Variants in STIM1 observed in about 807,000 individuals in gnomAD.
STIM1 encodes stromal interaction molecule 1.
In STIM1, 25 loss-of-function variants were observed where a neutral mutation model predicts 74.7. The observed-to-expected ratio is 0.33, with a 90% CI of 0.24 to 0.47. The LOEUF (loss-of-function observed/expected upper bound fraction) is 0.47. Among genes scored for constraint, STIM1 ranks in the 20% least tolerant of loss-of-function variants. The pLI is 1.00. For missense variants in STIM1, 728 were observed against 920.8 expected (o/e 0.79, Z 2.71); for synonymous variants, 328 against 348.8 (o/e 0.94, Z 0.66).
intron 1 of STIM1, among the ~76,000 whole-genome samples, chr11:3,882,927 T>C (rs753981953): frequency 1.3e-5 from 2 of 152,230 alleles, no homozygotes; most frequent in Non-Finnish European, 1.5e-5. Context: ...CTAATGATAT[T>C]GATCATCTTT....
intron 1 of STIM1, among the ~76,000 whole-genome samples, chr11:3,935,717 A>G (rs1271284953): frequency 6.6e-6 from 1 of 151,638 alleles, no homozygotes; most frequent in East Asian, 2.0e-4. Context: ...GATTGTAACT[A>G]TGGTATTTTA....
chr11:3,891,779 C>A (rs777764077), intron 1 of STIM1, among the ~76,000 whole-genome samples: 30 of 152,168 alleles, frequency 2.0e-4, no homozygotes, highest in Non-Finnish European at 3.8e-4. Context: ...GATCAAGATA[C>A]ATTTCTGCAT....
intron 3 of STIM1, among the ~76,000 whole-genome samples, chr11:4,032,928 T>C (rs1013544147): frequency 2.0e-5 from 3 of 152,244 alleles, no homozygotes; most frequent in African/African-American, 7.2e-5. Context: ...ATGAAGTCCT[T>C]GCCCATGCCT....
At chr11:4,051,862 G>C (rs1565160781) in intron 3 of STIM1, among the ~76,000 whole-genome samples, 1 of 152,076 alleles carries the variant, frequency 6.6e-6, no homozygotes, top group Non-Finnish European at 1.5e-5. Context: ...AAACCCCATC[G>C]TCTCAGCCCA....
chr11:3,941,669 TATATAGAGAGAG>T (rs2093009761), intron 1 of STIM1, among the ~76,000 whole-genome samples: 2 of 86,386 alleles, frequency 2.3e-5, no homozygotes, highest in East Asian at 4.5e-4. Context: ...TATATATATA[TATATAGAGAGAG>T]AGAGAGAGAG....
In STIM1 at chr11:4,082,271, C is replaced by T; in HGVS notation, c.1057C>T (p.Leu353=). ...APEALQKWLQ[L]THEVEVQYYN... Reference sequence around the variant, plus strand: ...AGAGGCCCTTCAGAAGTGGCTGCAGCTGACACATGAGGTGGAGGTGCAATA... The same window carrying T: ...AGAGGCCCTTCAGAAGTGGCTGCAGTTGACACATGAGGTGGAGGTGCAATA... The change falls in exon 8 of 13, where the codon CTG becomes TTG. Residue 353 remains leucine, a synonymous_variant. Transcript: ENST00000526596. 1.2e-6 allele frequency: 2 copies of T among 1,614,008 alleles called. No individual in the cohort carries two copies. The highest frequency in any genetic ancestry group is 1.7e-6 in the Non-Finnish European group (2 of 1,180,034).
chr11:3,912,842 C>T (rs895530968), intron 1 of STIM1, among the ~76,000 whole-genome samples: 2 of 152,166 alleles, frequency 1.3e-5, no homozygotes, highest in African/African-American at 4.8e-5. Flanking sequence ...CCACATGTGT[C>T]AGTTCTATCT....
intron 2 of STIM1, among the ~76,000 whole-genome samples, chr11:4,013,686 ATTTCTTTTTTTTT>A (rs2093863939): frequency 2.1e-5 from 1 of 48,302 alleles, no homozygotes; most frequent in African/African-American, 8.5e-5. Flanking sequence ...GGATTCATTG[ATTTCTTTTTTTTT>A]TTTTTTTTTT....
At chr11:4,020,838 A>G (rs2136005165) in intron 2 of STIM1, among the ~76,000 whole-genome samples, 1 of 151,744 alleles carries the variant, frequency 6.6e-6, no homozygotes, top group South Asian at 2.1e-4. Flanking sequence ...CCTGATCTCA[A>G]GTGATCCTCC....
chr11:3,924,616 A>C (rs1019576533), intron 1 of STIM1, among the ~76,000 whole-genome samples: 4 of 152,192 alleles, frequency 2.6e-5, no homozygotes, highest in African/African-American at 9.7e-5. Context: ...AATTTCAATG[A>C]AGCCTTGTAG....
chr11:4,045,426 G>A (rs2959071), intron 3 of STIM1, among the ~76,000 whole-genome samples: 141,972 of 152,132 alleles, frequency 0.93, 66,269 homozygotes, highest in African/African-American at 0.97. Context: ...GGAATAATAC[G>A]TTCTAGTCCA....
chr11:4,062,724 A>G (rs1309893518), intron 5 of STIM1, among the ~76,000 whole-genome samples: 5 of 152,208 alleles, frequency 3.3e-5, no homozygotes, highest in Non-Finnish European at 7.3e-5. Flanking sequence ...GCTCAACATC[A>G]TTATCAGGGC....
In STIM1 at chr11:4,091,946, C is replaced by G. The variant is rs1275677463; in HGVS notation, c.*148C>G. 4 of 1,073,566 alleles carry G rather than the reference C, an allele frequency of 3.7e-6. No individual in the cohort carries two copies. Among genetic ancestry groups the G allele is most frequent in the Non-Finnish European group, 5.5e-6 (4 of 732,488 alleles). The allele number at this position is 1,073,566 out of a possible 1,614,324, so 66.5% of individuals were successfully genotyped here. A position where few individuals can be genotyped will look rare whatever the true frequency, so the allele number is the denominator to read the frequency against. ...TCTGGGCACTGTACATACCTGCCCCCTCATCCTTGGGTCCTTCATTATTAT... is the reference window on the plus strand; with the variant it reads ...TCTGGGCACTGTACATACCTGCCCCGTCATCCTTGGGTCCTTCATTATTAT... On this transcript the variant is annotated 3_prime_UTR_variant, in exon 13 of 13. Coordinates refer to ENST00000526596, the MANE Select transcript of STIM1 (RefSeq NM_001382567.1).
chr11:3,891,471 G>C (rs1054769810), intron 1 of STIM1, among the ~76,000 whole-genome samples: 1 of 151,962 alleles, frequency 6.6e-6, no homozygotes. Flanking sequence ...TTTTAGTGGA[G>C]ACAGGGTTTC....
chr11:4,046,453 C>G (rs532897293), intron 3 of STIM1, among the ~76,000 whole-genome samples: 127 of 152,226 alleles, frequency 8.3e-4, no homozygotes, highest in Admixed American at 1.6e-3. Context: ...TTCTCACCTC[C>G]CATGCCTCTG....
intron 1 of STIM1, among the ~76,000 whole-genome samples, chr11:3,875,626 A>G (rs2091283106): frequency 6.6e-6 from 1 of 151,644 alleles, no homozygotes; most frequent in Non-Finnish European, 1.5e-5. Context: ...ACTTGGGGGT[A>G]GAGGCAGGAG....
rs561697420 is a variant in STIM1 at position 3,943,502 on chromosome 11, T to C, written c.140-24050T>C. On this transcript the variant is annotated intron_variant, in intron 1 of 12. Coordinates refer to ENST00000526596, the MANE Select transcript of STIM1 (RefSeq NM_001382567.1). ...CAATAAAGACTGTAAGCTGGTAAAC[T>C]TTTTTTGTTTTTTCTTCTGGTAAAG... Among the ~76,000 whole-genome samples, 163 of 152,318 alleles carry C rather than the reference T, an allele frequency of 1.1e-3. 2 individuals carry two copies. Among genetic ancestry groups the C allele is most frequent in the South Asian group, 8.3e-3 (40 of 4,832 alleles).
intron 1 of STIM1, among the ~76,000 whole-genome samples, chr11:3,924,526 C>T (rs950057411): frequency 2.6e-5 from 4 of 151,932 alleles, no homozygotes; most frequent in African/African-American, 9.7e-5. Context: ...TTTTTTTCCC[C>T]CCTAAGTATT....
intron 1 of STIM1, among the ~76,000 whole-genome samples, chr11:3,945,614 G>T (rs1004656653): frequency 2.0e-5 from 3 of 151,908 alleles, no homozygotes; most frequent in Non-Finnish European, 4.4e-5. Flanking sequence ...AAATAATGTT[G>T]TGTATTATTA....
Sources: gnomAD v4.1 joint callset for allele counts (sites outside exome capture counted in the v4.1 genomes callset) on GRCh38, gnomAD v4.1.1 for gene constraint, MANE v1.5 for transcripts, NCBI Gene and HGNC (gene_info 2026-07-23, HGNC 2026-07-21) for gene names.